PTPRM: variants seen among roughly 807,000 people sequenced by gnomAD.
PTPRM encodes receptor-type tyrosine-protein phosphatase mu.
In PTPRM, 47 loss-of-function variants were observed where a neutral mutation model predicts 186.7. That is an observed-to-expected ratio of 0.25 (90% CI 0.20 to 0.32). PTPRM has a LOEUF of 0.32. Ranked by LOEUF, PTPRM falls within the 10% of genes least tolerant of loss-of-function variation. The probability of loss-of-function intolerance (pLI) is 1.00; values close to 1 mark genes in which losing one functional copy is unlikely to be tolerated. For synonymous variants in PTPRM, 668 were observed against 674.9 expected (o/e 0.99, Z 0.16); for missense variants, 1,494 against 1,865.0 (o/e 0.80, Z 3.66).
At chr18:8,075,758 A>T (rs192538522) in intron 8 of PTPRM, among the ~76,000 whole-genome samples, 94 of 152,226 alleles carry the variant, frequency 6.2e-4, no homozygotes, top group Non-Finnish European at 7.9e-4. Context: ...TATTTCATCT[A>T]TATCAACTTC....
At chr18:7,824,166 G>A (rs372648967) in intron 2 of PTPRM, among the ~76,000 whole-genome samples, 5 of 152,282 alleles carry the variant, frequency 3.3e-5, no homozygotes, top group South Asian at 2.1e-4. Context: ...CTAGTACCCC[G>A]AAGGTCAGAG....
At chr18:8,092,081 C>G (rs1375292833) in intron 11 of PTPRM, among the ~76,000 whole-genome samples, 1 of 152,002 alleles carries the variant, frequency 6.6e-6, no homozygotes, top group African/African-American at 2.4e-5. Flanking sequence ...AATCCGTATT[C>G]ATTGATGTTG....
intron 14 of PTPRM, among the ~76,000 whole-genome samples, chr18:8,188,055 A>G (rs2093665247): frequency 6.6e-6 from 1 of 152,232 alleles, no homozygotes; most frequent in East Asian, 1.9e-4. Context: ...AGAAGAAACT[A>G]TGTCAGAAAT....
intron 11 of PTPRM, among the ~76,000 whole-genome samples, chr18:8,108,673 T>C (rs959275285): frequency 6.6e-6 from 1 of 152,240 alleles, no homozygotes; most frequent in Non-Finnish European, 1.5e-5. Context: ...TCCATATAAA[T>C]GCAGATTTTT....
At chr18:8,206,874 CAG>C (rs1204585523) in intron 14 of PTPRM, among the ~76,000 whole-genome samples, 2 of 151,974 alleles carry the variant, frequency 1.3e-5, no homozygotes, top group Admixed American at 6.6e-5. Context: ...AATTGAGACA[CAG>C]GGAGAGAATG....
intron 14 of PTPRM, among the ~76,000 whole-genome samples, chr18:8,194,662 A>G (rs1212456907): frequency 6.6e-6 from 1 of 152,236 alleles, no homozygotes; most frequent in Non-Finnish European, 1.5e-5. Context: ...AAATAACATG[A>G]GCAGCACATA....
intron 23 of PTPRM, among the ~76,000 whole-genome samples, chr18:8,362,071 C>G (rs1253243103): frequency 6.6e-6 from 1 of 152,084 alleles, no homozygotes; most frequent in African/African-American, 2.4e-5. Flanking sequence ...TGTTATCCTG[C>G]CACCCCAGTC....
chr18:7,975,001 T>C (rs1203549069), intron 7 of PTPRM, among the ~76,000 whole-genome samples: 1 of 152,202 alleles, frequency 6.6e-6, no homozygotes, highest in Non-Finnish European at 1.5e-5. Context: ...TCTGCATTTT[T>C]AACAAATTCC....
At chr18:8,124,338 T>G (rs2092271638) in intron 13 of PTPRM, among the ~76,000 whole-genome samples, 3 of 152,220 alleles carry the variant, frequency 2.0e-5, no homozygotes, top group Admixed American at 2.0e-4. Flanking sequence ...CATTTTCCAT[T>G]TGCATCACCC....
At chr18:8,277,037 A>G (rs1049758146) in intron 19 of PTPRM, among the ~76,000 whole-genome samples, 8 of 151,920 alleles carry the variant, frequency 5.3e-5, no homozygotes, top group Non-Finnish European at 1.0e-4. Flanking sequence ...CCTGGGTTCA[A>G]TTGATTCTCC....
At chr18:7,946,775 A>G (rs2052553590) in intron 5 of PTPRM, 1 of 360,158 alleles carries the variant, frequency 2.8e-6, no homozygotes, top group African/African-American at 2.1e-5. Flanking sequence ...TTTTACAGAT[A>G]ATACTAAAGA....
chr18:8,151,611 T>G (rs1239263457), intron 14 of PTPRM, among the ~76,000 whole-genome samples: 6 of 150,898 alleles, frequency 4.0e-5, no homozygotes, highest in African/African-American at 1.5e-4. Flanking sequence ...GGCAGACCAC[T>G]TGGTTCCCTG....
At chr18:7,792,090 A>G (rs993577959) in intron 2 of PTPRM, among the ~76,000 whole-genome samples, 5 of 152,218 alleles carry the variant, frequency 3.3e-5, no homozygotes, top group Non-Finnish European at 5.9e-5. Context: ...ACCACTGCAT[A>G]TAACCTCTCT....
chr18:8,289,526 A>G (rs900332288), intron 19 of PTPRM, among the ~76,000 whole-genome samples: 3 of 98,264 alleles, frequency 3.1e-5, no homozygotes. Context: ...ATATATATAC[A>G]TATATATACA....
intron 2 of PTPRM, among the ~76,000 whole-genome samples, chr18:7,809,526 G>C (rs1568161536): frequency 6.6e-6 from 1 of 152,142 alleles, no homozygotes; most frequent in African/African-American, 2.4e-5. Context: ...TTCCAAGACA[G>C]GGTGCAGGGG....
At chr18:8,191,389 G>C (rs573070872) in intron 14 of PTPRM, among the ~76,000 whole-genome samples, 1 of 152,244 alleles carries the variant, frequency 6.6e-6, no homozygotes, top group East Asian at 1.9e-4. Flanking sequence ...ACAGGAGTGG[G>C]GTGATTTCCA....
At chr18:7,591,771 A>G (rs2037132250) in intron 1 of PTPRM, among the ~76,000 whole-genome samples, 2 of 152,194 alleles carry the variant, frequency 1.3e-5, no homozygotes, top group Non-Finnish European at 1.5e-5. Flanking sequence ...TATTTTGAAA[A>G]CGAAAGATAA....
intron 19 of PTPRM, among the ~76,000 whole-genome samples, chr18:8,279,048 G>A (rs748049420): frequency 5.9e-5 from 9 of 151,762 alleles, no homozygotes; most frequent in Non-Finnish European, 8.8e-5. Context: ...TGCACGTTGC[G>A]CACATGTACC....
At chr18:7,587,050 G>C (rs950784121) in intron 1 of PTPRM, among the ~76,000 whole-genome samples, 2 of 151,868 alleles carry the variant, frequency 1.3e-5, no homozygotes, top group African/African-American at 4.8e-5. Flanking sequence ...TACTTATCAG[G>C]CTTCTCTGTA....
Sources: gnomAD v4.1 joint callset for allele counts (sites outside exome capture counted in the v4.1 genomes callset) on GRCh38, gnomAD v4.1.1 for gene constraint, MANE v1.5 for transcripts, NCBI Gene and HGNC (gene_info 2026-07-23, HGNC 2026-07-21) for gene names.